LRP1B: variants seen among roughly 807,000 people sequenced by gnomAD.
LRP1B encodes the protein low-density lipoprotein receptor-related protein 1B.
A neutral mutation model predicts 556.6 loss-of-function variants in LRP1B; 217 were observed. The ratio of observed to expected loss-of-function variants is 0.39; its 90% CI spans 0.35 to 0.44. The LOEUF (loss-of-function observed/expected upper bound fraction) is 0.44. LRP1B is among the 20% of genes least tolerant of loss of function. LRP1B has a pLI of 1.00. For synonymous variants in LRP1B, 2,047 were observed against 1,865.8 expected (o/e 1.10, Z -2.50); for missense variants, 5,053 against 5,620.8 (o/e 0.90, Z 3.23).
intron 1 of LRP1B, among the ~76,000 whole-genome samples, chr2:142,088,900 G>A (rs1233174631): frequency 1.3e-5 from 2 of 149,680 alleles, no homozygotes; most frequent in East Asian, 3.9e-4. Context: ...GCATGAACCT[G>A]GCAGGCGGAG....
intron 2 of LRP1B, among the ~76,000 whole-genome samples, chr2:141,713,782 T>C (rs1012799881): frequency 1.2e-4 from 19 of 152,348 alleles, no homozygotes; most frequent in African/African-American, 4.1e-4. Context: ...TTATTATGAA[T>C]CTTTGGAAAA....
intron 3 of LRP1B, among the ~76,000 whole-genome samples, chr2:141,349,912 C>A (rs1688384938): frequency 6.6e-6 from 1 of 152,004 alleles, no homozygotes; most frequent in African/African-American, 2.4e-5. Context: ...GATAAAGACA[C>A]ACCCAAGACT....
At chr2:141,744,211 AT>A (rs901917693) in intron 2 of LRP1B, among the ~76,000 whole-genome samples, 5 of 151,636 alleles carry the variant, frequency 3.3e-5, no homozygotes, top group Non-Finnish European at 5.9e-5. Flanking sequence ...GTTTCAAGAA[AT>A]TTTTCAGTTT....
At chr2:140,407,354 AG>A (rs1287391529) in intron 66 of LRP1B, among the ~76,000 whole-genome samples, 5 of 152,110 alleles carry the variant, frequency 3.3e-5, no homozygotes, top group African/African-American at 1.2e-4. Context: ...TAAACTAAAA[AG>A]CTTCTGCACA....
intron 2 of LRP1B, among the ~76,000 whole-genome samples, chr2:141,589,472 G>A (rs919944642): frequency 2.6e-5 from 4 of 151,942 alleles, no homozygotes; most frequent in Non-Finnish European, 4.4e-5. Context: ...GATTTTCTTC[G>A]ACTTTCTTGC....
chr2:141,708,041 G>A (rs561249813), intron 2 of LRP1B, among the ~76,000 whole-genome samples: 1 of 152,086 alleles, frequency 6.6e-6, no homozygotes, highest in African/African-American at 2.4e-5. Flanking sequence ...ATTAGTTTAG[G>A]CAACTTTCAA....
At chr2:141,341,512 A>G (rs943219434) in intron 3 of LRP1B, among the ~76,000 whole-genome samples, 3 of 152,038 alleles carry the variant, frequency 2.0e-5, no homozygotes, top group Non-Finnish European at 4.4e-5. Context: ...ACGTCTCACA[A>G]TGCTTTATTT....
At chr2:140,866,020 A>T (rs1425833805) in intron 27 of LRP1B, among the ~76,000 whole-genome samples, 2 of 152,128 alleles carry the variant, frequency 1.3e-5, no homozygotes, top group African/African-American at 2.4e-5. Context: ...AAGGACATTG[A>T]TCCTATTTTG....
chr2:141,570,532 G>C lies in LRP1B; in HGVS notation c.206-89999C>G, dbSNP rs1368739497. On this transcript the variant is annotated intron_variant, in intron 2 of 90. Coordinates refer to ENST00000389484, the MANE Select transcript of LRP1B (RefSeq NM_018557.3). ...TCTGCTTAAGCCTACTGATCTCCCA[G>C]GGGGAGGGGTGACCAGCACTGGCTG... Among the ~76,000 whole-genome samples, 4 of 151,288 alleles carry C rather than the reference G, an allele frequency of 2.6e-5. 1 individual carries two copies. Among genetic ancestry groups the C allele is most frequent in the Non-Finnish European group, 5.9e-5 (4 of 67,448 alleles).
chr2:140,558,645 A>G (rs1037019005), intron 43 of LRP1B, among the ~76,000 whole-genome samples: 3 of 152,068 alleles, frequency 2.0e-5, no homozygotes, highest in Non-Finnish European at 2.9e-5. Context: ...TTGGTGTGAT[A>G]AAAATGTTTT....
chr2:141,624,036 C>CAAAAAAAAAAAAAAAAAA, intron 2 of LRP1B, among the ~76,000 whole-genome samples: 73 of 90,704 alleles, frequency 8.0e-4, no homozygotes, highest in East Asian at 1.5e-3. Flanking sequence ...AAAAATTAAA[C>CAAAAAAAAAAAAAAAAAA]AAAAAAAAAA....
At chr2:141,070,076 A>T (rs1294188268) in intron 7 of LRP1B, among the ~76,000 whole-genome samples, 1 of 150,278 alleles carries the variant, frequency 6.7e-6, no homozygotes, top group Non-Finnish European at 1.5e-5. Context: ...TTCTTGCGAT[A>T]GTTTACTGAG....
intron 27 of LRP1B, among the ~76,000 whole-genome samples, chr2:140,852,275 C>T (rs1489009740): frequency 3.3e-5 from 5 of 152,096 alleles, no homozygotes; most frequent in African/African-American, 1.2e-4. Context: ...TGCAGTTAGC[C>T]AAGACTGCGC....
chr2:141,278,582 G>A lies in LRP1B; in HGVS notation c.344-23941C>T, dbSNP rs746958970. On this transcript the variant is annotated intron_variant, in intron 3 of 90. Coordinates refer to ENST00000389484, the MANE Select transcript of LRP1B (RefSeq NM_018557.3). ...CCGACTCTTAGGAAGAAAGATTAGT[G>A]TAACACTATGGCTAAAATGATGAGG... Among the ~76,000 whole-genome samples, 7 of 152,250 alleles carry A rather than the reference G, an allele frequency of 4.6e-5. No homozygotes were observed. The East Asian group carries it at 1.2e-3, about 25-fold the overall frequency.
chr2:140,702,995 C>T (rs72907465), intron 37 of LRP1B, among the ~76,000 whole-genome samples: 21,732 of 152,062 alleles, frequency 0.14, 1,669 homozygotes, highest in South Asian at 0.19. Flanking sequence ...TTTTTGCCCC[C>T]ACTAGACTGT....
At chr2:141,500,827 G>C (rs1683687015) in intron 2 of LRP1B, among the ~76,000 whole-genome samples, 1 of 151,860 alleles carries the variant, frequency 6.6e-6, no homozygotes, top group South Asian at 2.1e-4. Flanking sequence ...TGATCCTTTG[G>C]GATGATCTAG....
At chr2:141,943,474 C>A (rs2105018719) in intron 1 of LRP1B, among the ~76,000 whole-genome samples, 1 of 152,232 alleles carries the variant, frequency 6.6e-6, no homozygotes, top group East Asian at 1.9e-4. Context: ...TTCTGAAGTA[C>A]TATTCTTTAC....
At chr2:140,546,272 T>C (rs1040203165) in intron 43 of LRP1B, among the ~76,000 whole-genome samples, 9 of 152,128 alleles carry the variant, frequency 5.9e-5, no homozygotes, top group African/African-American at 2.2e-4. Flanking sequence ...TGCCCCTTCT[T>C]TCTTTCTCTT....
In LRP1B at chr2:140,783,823, C is replaced by T. The variant is rs114047304; in HGVS notation, c.5360-7585G>A. On this transcript the variant is annotated intron_variant, in intron 32 of 90. Transcript: ENST00000389484. Reference sequence around the variant, plus strand: ...AGCCTGGTGAAAGATTAGAAATTCACCCAAAAGGATTACCCCCCAGGACAC... The same window carrying T: ...AGCCTGGTGAAAGATTAGAAATTCATCCAAAAGGATTACCCCCCAGGACAC... 5.0e-3 allele frequency among the ~76,000 whole-genome samples: 756 copies of T among 152,180 alleles called. 7 individuals carry two copies. Among genetic ancestry groups the T allele is most frequent in the African/African-American group, 0.018 (733 of 41,520 alleles).
Sources: gnomAD v4.1 joint callset for allele counts (sites outside exome capture counted in the v4.1 genomes callset) on GRCh38, gnomAD v4.1.1 for gene constraint, MANE v1.5 for transcripts, NCBI Gene and HGNC (gene_info 2026-07-23, HGNC 2026-07-21) for gene names.